BAIAP2: variants seen among roughly 807,000 people sequenced by gnomAD.
The protein encoded by BAIAP2 is BAR/IMD domain-containing adapter protein 2.
A neutral mutation model predicts 63.0 loss-of-function variants in BAIAP2; 18 were observed. That is an observed-to-expected ratio of 0.29 (90% CI 0.20 to 0.42). BAIAP2 has a LOEUF of 0.42. BAIAP2 is among the 10% of genes least tolerant of loss of function. The probability of loss-of-function intolerance (pLI) is 1.00; values close to 1 mark genes in which losing one functional copy is unlikely to be tolerated. For synonymous variants in BAIAP2, 386 were observed against 307.6 expected (o/e 1.25, Z -2.67); for missense variants, 610 against 734.3 (o/e 0.83, Z 1.96).
In BAIAP2 at chr17:81,046,837, A is replaced by G. The variant is rs2047887616; in HGVS notation, c.55-6831A>G. Among the ~76,000 whole-genome samples, 1 of 152,076 alleles carries G rather than the reference A, an allele frequency of 6.6e-6. No homozygotes were observed. Among genetic ancestry groups the G allele is most frequent in the African/African-American group, 2.4e-5 (1 of 41,398 alleles). Reference sequence around the variant, plus strand: ...GCAGAGTCCCGTCAAGTCTACGTGGACCAGAGTCGTGGGTGCTGTGAGGTC... The same window carrying G: ...GCAGAGTCCCGTCAAGTCTACGTGGGCCAGAGTCGTGGGTGCTGTGAGGTC... On this transcript the variant is annotated intron_variant, in intron 1 of 13. Transcript: ENST00000428708. The surrounding 1 kb of genome is among the most constrained non-coding windows in gnomAD (Gnocchi z 4.5).
Position 81,086,594 on chromosome 17 carries a change from C to G in BAIAP2, c.489+14C>G. 2 of 1,612,206 alleles carry G rather than the reference C, an allele frequency of 1.2e-6. No homozygotes were observed. The highest frequency in any genetic ancestry group is 1.7e-6 in the Non-Finnish European group (2 of 1,179,852). On this transcript the variant is annotated intron_variant, in intron 6 of 13. Transcript: ENST00000428708. The stretch of plus-strand genomic sequence containing the variant: ...AAGGAGCTGCAGGTAGGCCCGCCAC[C>G]CCCGCTGTGGTGCCTCTCCTGCCAC...
intron 8 of BAIAP2, 40 bp downstream of exon 8, chr17:81,103,763 G>A: frequency 1.3e-6 from 2 of 1,581,582 alleles, no homozygotes; most frequent in African/African-American, 2.7e-5. Context: ...GGGTGTGGGT[G>A]GGAGGGCAGC....
chr17:81,099,068 C>A (rs2058121264), intron 6 of BAIAP2, among the ~76,000 whole-genome samples: 1 of 147,914 alleles, frequency 6.8e-6, no homozygotes, highest in African/African-American at 2.6e-5. Flanking sequence ...ATCAGGCCTA[C>A]TTCTCATTCC....
At chr17:81,089,774 A>G (rs944499997) in intron 6 of BAIAP2, among the ~76,000 whole-genome samples, 2 of 151,996 alleles carry the variant, frequency 1.3e-5, no homozygotes, top group African/African-American at 4.8e-5. Context: ...TCCCCCTAGC[A>G]CCTGTGAGTG....
intron 3 of BAIAP2, among the ~76,000 whole-genome samples, chr17:81,068,276 G>C (rs1451226913): frequency 6.6e-6 from 1 of 152,232 alleles, no homozygotes; most frequent in Non-Finnish European, 1.5e-5. Context: ...TTCCCTCCTG[G>C]TCAATAATCA....
At chr17:81,107,623 G>A (rs1290314507) in intron 12 of BAIAP2, 1 of 152,480 alleles carries the variant, frequency 6.6e-6, no homozygotes, top group Non-Finnish European at 1.5e-5. Flanking sequence ...CAGAGGTCCA[G>A]TTTGTGGGAT....
At chr17:81,043,152 C>A (rs974681241) in intron 1 of BAIAP2, among the ~76,000 whole-genome samples, 1 of 152,196 alleles carries the variant, frequency 6.6e-6, no homozygotes, top group Non-Finnish European at 1.5e-5. Flanking sequence ...CAGGCGTGAG[C>A]CACTGCATCC....
At chr17:81,115,678 C>A in intron 13 of BAIAP2, 92 bp from the exon 14 acceptor site, 1 of 1,481,202 alleles carries the variant, frequency 6.8e-7, no homozygotes, top group Non-Finnish European at 9.4e-7. Context: ...GCATCCAGCA[C>A]TGGGGAATCC....
intron 3 of BAIAP2, among the ~76,000 whole-genome samples, chr17:81,069,989 TCTCA>T (rs1261151887): frequency 3.9e-5 from 6 of 151,978 alleles, no homozygotes; most frequent in Non-Finnish European, 7.4e-5. Flanking sequence ...GGAGACAGAG[TCTCA>T]CTCTGTCACT....
At position 81,104,107 on chromosome 17, in the gene BAIAP2, C is replaced by T. The variant is rs770277497; in HGVS notation, c.1065C>T (p.Thr355=). ...TGACCCCAAAAAACAGCTATGCCAC[C>T]AGTAAGGGCTCCGCTGGGGTGTTGG... ...KSVTPKNSYA[T]TENKTLPRSS... Residue 355 remains threonine, a splice_region_variant and synonymous_variant, in exon 9 of 14, where the codon ACC becomes ACT. Coordinates refer to ENST00000428708, the MANE Select transcript of BAIAP2 (RefSeq NM_001144888.2). The T allele has an allele frequency of 3.1e-6, 5 of 1,613,000 alleles. No homozygotes were observed. Among genetic ancestry groups the T allele is most frequent in the Middle Eastern group, 1.6e-4 (1 of 6,084 alleles).
intron 6 of BAIAP2, among the ~76,000 whole-genome samples, chr17:81,099,636 C>T (rs1486252322): frequency 3.9e-5 from 6 of 152,096 alleles, no homozygotes; most frequent in Non-Finnish European, 8.8e-5. Context: ...TGAGGCTGGC[C>T]CCCTGCCAGA....
chr17:81,098,105 G>C (rs1326951109), intron 6 of BAIAP2: 3 of 1,381,774 alleles, frequency 2.2e-6, no homozygotes, highest in Non-Finnish European at 2.8e-6. Context: ...GGGCCAGCGG[G>C]GGGTGGGGAG....
intron 3 of BAIAP2, among the ~76,000 whole-genome samples, chr17:81,072,500 C>T (rs1397967778): frequency 6.6e-6 from 1 of 152,236 alleles, no homozygotes; most frequent in South Asian, 2.1e-4. Context: ...CTGCTCCAGG[C>T]CCCACTTGGG....
In BAIAP2 at chr17:81,046,083, C is replaced by T. The variant is rs2047762456; in HGVS notation, c.55-7585C>T. Among the ~76,000 whole-genome samples, 1 of 152,094 alleles carries T rather than the reference C, an allele frequency of 6.6e-6. No individual in the cohort carries two copies. The highest frequency in any genetic ancestry group is 2.4e-5 in the African/African-American group (1 of 41,406). On this transcript the variant is annotated intron_variant, in intron 1 of 13. Coordinates refer to ENST00000428708, the MANE Select transcript of BAIAP2 (RefSeq NM_001144888.2). This position sits in a 1 kb window ranked among gnomAD's most constrained non-coding sequence, Gnocchi z 4.5. ...CGGCTGTGGGGACCCTATTAATACTCACAGGGAGGCAGAGCTGCCGGCTCC... is the reference window on the plus strand; with the variant it reads ...CGGCTGTGGGGACCCTATTAATACTTACAGGGAGGCAGAGCTGCCGGCTCC...
chr17:81,048,480 A>G (rs2048169282), intron 1 of BAIAP2, among the ~76,000 whole-genome samples: 1 of 151,208 alleles, frequency 6.6e-6, no homozygotes, highest in Non-Finnish European at 1.5e-5. Flanking sequence ...TGTACTGGCC[A>G]CTCTCCCTTT....
chr17:81,094,097 C>G (rs117813994), intron 6 of BAIAP2, among the ~76,000 whole-genome samples: 2 of 152,126 alleles, frequency 1.3e-5, no homozygotes, highest in Admixed American at 1.3e-4. Flanking sequence ...TCAGTGTCCC[C>G]GGGGCCAGGG....
intron 6 of BAIAP2, among the ~76,000 whole-genome samples, chr17:81,095,089 G>A (rs986552138): frequency 1.4e-4 from 21 of 152,244 alleles, no homozygotes; most frequent in African/African-American, 4.3e-4. Context: ...CTAAGTGGGA[G>A]CATTCTGTGG....
At chr17:81,086,319 G>A in intron 5 of BAIAP2, 124 bp from the exon 6 acceptor site, 1 of 1,166,798 alleles carries the variant, frequency 8.6e-7, no homozygotes, top group Non-Finnish European at 1.2e-6. Context: ...GCCAGGAAGG[G>A]AGTGGCAGGG....
At position 81,105,900 on chromosome 17, in the gene BAIAP2, G is replaced by GAGC. The variant is rs532584663; in HGVS notation, c.1269-176_1269-174dup. On this transcript the variant is annotated intron_variant, in intron 10 of 13. Transcript: ENST00000428708. ...CCCGGGCCACCTTGCCCTTGAGGCT[G>GAGC]AGCACACAGTGGGAGCGGGCTGCGG... The GAGC allele has an allele frequency of 1.2e-4, 71 of 587,244 alleles. No homozygotes were observed. The South Asian group carries it at 1.3e-3, about 11-fold the overall frequency. 36.4% of individuals were successfully genotyped at this position (587,244 alleles called of 1,614,324 possible).
Sources: allele counts gnomAD v4.1 joint callset (sites outside exome capture counted in the v4.1 genomes callset), GRCh38; gene constraint gnomAD v4.1.1; non-coding constraint Gnocchi (gnomAD v3.1); transcripts MANE v1.5; gene names NCBI Gene and HGNC (gene_info 2026-07-23, HGNC 2026-07-21).